SLC25A26: variants seen among roughly 807,000 people sequenced by gnomAD.
SLC25A26 encodes the protein mitochondrial S-adenosylmethionine carrier protein.
SLC25A26 carries 36 observed loss-of-function variants against 37.8 expected under a neutral mutation model. The ratio of observed to expected loss-of-function variants is 0.95; its 90% CI spans 0.73 to 1.26. The LOEUF (loss-of-function observed/expected upper bound fraction) is 1.26, where lower values mean the gene tolerates loss of function less well. SLC25A26 is among the 50% of genes most tolerant of loss of function. SLC25A26 has a pLI of 0.00. For missense variants in SLC25A26, 390 were observed against 331.1 expected (o/e 1.18, Z -1.38); for synonymous variants, 129 against 122.5 (o/e 1.05, Z -0.35).
chr3:66,318,879 G>T (rs1372333535), intron 5 of SLC25A26, among the ~76,000 whole-genome samples: 1 of 151,898 alleles, frequency 6.6e-6, no homozygotes, highest in African/African-American at 2.4e-5. Context: ...CTAACTCCTG[G>T]ACTCAAGCGA....
At chr3:66,193,870 A>G (rs1214061367) in intron 1 of SLC25A26, among the ~76,000 whole-genome samples, 1 of 152,180 alleles carries the variant, frequency 6.6e-6, no homozygotes, top group Non-Finnish European at 1.5e-5. Flanking sequence ...GTCTTGGAGA[A>G]ATTCAGAGAG....
At position 66,150,508 on chromosome 3, in the gene SLC25A26, A is replaced by ATAT. The variant is rs146822337; in HGVS notation, c.-354+16524_-354+16525insTAT. On this transcript the variant is annotated intron_variant, in intron 1 of 10. Coordinates refer to the SLC25A26 transcript ENST00000676754. ...GCAAGACTCTATCTCAAGACAAAAAAATATATATATATAATGATATATATA... is the reference window on the plus strand; with the variant it reads ...GCAAGACTCTATCTCAAGACAAAAAATATATATATATATATAATGATATATATA... Among the ~76,000 whole-genome samples the ATAT allele has an allele frequency of 3.8e-4, 46 of 120,270 alleles. 3 individuals are homozygous for ATAT. The highest frequency in any genetic ancestry group is 4.2e-3 in the Middle Eastern group (1 of 238). The allele number at this position is 120,270 out of a possible 152,430, so 78.9% of individuals were successfully genotyped here. A position where few individuals can be genotyped will look rare whatever the true frequency, so the allele number is the denominator to read the frequency against.
intron 5 of SLC25A26, among the ~76,000 whole-genome samples, chr3:66,306,967 A>ATG (rs1342036632): frequency 6.7e-6 from 1 of 148,282 alleles, no homozygotes; most frequent in Non-Finnish European, 1.5e-5. Flanking sequence ...CAGTAAACAT[A>ATG]TGTGTGTGTG....
intron 5 of SLC25A26, among the ~76,000 whole-genome samples, chr3:66,331,377 A>T (rs1359739934): frequency 6.6e-6 from 1 of 152,182 alleles, no homozygotes; most frequent in Non-Finnish European, 1.5e-5. Context: ...TACTGTTTTC[A>T]TAAAGCATGG....
chr3:66,195,779 A>T (rs1272786873), intron 1 of SLC25A26, among the ~76,000 whole-genome samples: 3 of 152,280 alleles, frequency 2.0e-5, no homozygotes, highest in African/African-American at 7.2e-5. Flanking sequence ...TGCAAAAAGC[A>T]TTGAGAATTA....
chr3:66,347,310 G>A lies in SLC25A26; in HGVS notation c.498+902G>A, dbSNP rs983961915. On this transcript the variant is annotated intron_variant, in intron 6 of 9. Transcript: ENST00000354883. ...CAAAGAATCCCATTAAAAAGTGAGC[G>A]AAGGACATGAACAGACACTTCTCAA... Among the ~76,000 whole-genome samples, 9 of 152,246 alleles carry A rather than the reference G, an allele frequency of 5.9e-5. No individual in the cohort carries two copies. The South Asian group carries it at 8.3e-4, about 14-fold the overall frequency.
At chr3:66,180,257 A>T (rs562696091) in intron 1 of SLC25A26, among the ~76,000 whole-genome samples, 116 of 152,156 alleles carry the variant, frequency 7.6e-4, no homozygotes, top group African/African-American at 2.1e-3. Flanking sequence ...AGGCTTTTTT[A>T]AAAAAAAGAA....
At chr3:66,329,891 A>G (rs2075930536) in intron 5 of SLC25A26, among the ~76,000 whole-genome samples, 1 of 152,188 alleles carries the variant, frequency 6.6e-6, no homozygotes, top group Non-Finnish European at 1.5e-5. Flanking sequence ...GAGATTATAA[A>G]TTAACTTCTA....
At chr3:66,174,960 T>C (rs1210963295) in intron 1 of SLC25A26, among the ~76,000 whole-genome samples, 7 of 151,586 alleles carry the variant, frequency 4.6e-5, no homozygotes, top group Non-Finnish European at 1.0e-4. Context: ...CATGTGGACT[T>C]ACATGTTAAA....
upstream of SLC25A26, among the ~76,000 whole-genome samples, chr3:66,216,994 T>A (rs2106849178): frequency 6.6e-6 from 1 of 152,312 alleles, no homozygotes; most frequent in Non-Finnish European, 1.5e-5. Context: ...CTAAAAGGAT[T>A]CCAGTGGTAT....
chr3:66,273,997 C>A (rs1339680841), intron 5 of SLC25A26, among the ~76,000 whole-genome samples: 1 of 152,176 alleles, frequency 6.6e-6, no homozygotes, highest in Admixed American at 6.5e-5. Flanking sequence ...TGACTTCAAA[C>A]TATACTACAA....
At chr3:66,355,545 A>G (rs1009279118) in intron 6 of SLC25A26, among the ~76,000 whole-genome samples, 6 of 152,330 alleles carry the variant, frequency 3.9e-5, no homozygotes, top group East Asian at 3.9e-4. Flanking sequence ...TGCAAGAGCT[A>G]TGGTGTGGCG....
intron 1 of SLC25A26, among the ~76,000 whole-genome samples, chr3:66,172,410 G>GAAAAAAAAAAAAAAAAAAAAA (rs1199322248): frequency 1.1e-4 from 8 of 75,210 alleles, no homozygotes; most frequent in African/African-American, 2.0e-4. Context: ...TACCTGTAAA[G>GAAAAAAAAAAAAAAAAAAAAA]AAAAAAAAAA....
intron 3 of SLC25A26, among the ~76,000 whole-genome samples, chr3:66,255,460 C>T (rs574010300): frequency 1.3e-5 from 2 of 149,772 alleles, no homozygotes; most frequent in South Asian, 4.2e-4. Context: ...GCCAGCATTG[C>T]ATTTTGATTT....
At chr3:66,145,556 T>A (rs1282752622) in intron 1 of SLC25A26, among the ~76,000 whole-genome samples, 1 of 152,250 alleles carries the variant, frequency 6.6e-6, no homozygotes, top group Non-Finnish European at 1.5e-5. Context: ...TGAATCAGCA[T>A]TTGATTCAGA....
chr3:66,142,632 G>C lies in SLC25A26; in HGVS notation c.-354+8648G>C, dbSNP rs144697946. ...CAGTTTACACCCCTTTTGTCCAATG[G>C]TACTGCTGCCTGACTATCCATTTGT... On this transcript the variant is annotated intron_variant, in intron 1 of 10. Transcript: ENST00000676754. Among the ~76,000 whole-genome samples the C allele has an allele frequency of 1.3e-3, 194 of 152,174 alleles. No homozygotes were observed. In the East Asian group the frequency reaches 0.031, roughly 24 times the overall value.
At chr3:66,147,581 C>A (rs537574806) in intron 1 of SLC25A26, among the ~76,000 whole-genome samples, 8 of 152,164 alleles carry the variant, frequency 5.3e-5, no homozygotes, top group Admixed American at 1.3e-4. Flanking sequence ...ATAATGATAT[C>A]TTTTTCATTT....
chr3:66,244,808 T>A (rs1460500212), intron 3 of SLC25A26, among the ~76,000 whole-genome samples: 1 of 151,402 alleles, frequency 6.6e-6, no homozygotes, highest in Non-Finnish European at 1.5e-5. Flanking sequence ...CCGTCTCTAC[T>A]GAAAATACAA....
At chr3:66,351,120 C>T (rs1185973963) in intron 6 of SLC25A26, among the ~76,000 whole-genome samples, 1 of 152,068 alleles carries the variant, frequency 6.6e-6, no homozygotes, top group Non-Finnish European at 1.5e-5. Flanking sequence ...CACAAGAATG[C>T]AAAGATGAAT....
Sources: gnomAD v4.1 joint callset for allele counts (sites outside exome capture counted in the v4.1 genomes callset) on GRCh38, gnomAD v4.1.1 for gene constraint, MANE v1.5 for transcripts, NCBI Gene and HGNC (gene_info 2026-07-23, HGNC 2026-07-21) for gene names.